Variants in WDR5 observed in about 807,000 individuals in gnomAD.
The protein encoded by WDR5 is WD repeat domain 5.
For synonymous variants in WDR5, 144 were observed against 161.6 expected (o/e 0.89, Z 0.83); for missense variants, 187 against 416.9 (o/e 0.45, Z 4.80).
Position 134,155,360 on chromosome 9 carries a change from A to C in WDR5, c.728A>C (p.Tyr243Ser). ...TLDNTLKLWD[Y>S]SKGKCLKTYT... ...TGCAGCACTCTGAAGCTCTGGGACT[A>C]CAGCAAGGGGAAGGTGAGCCCCCGC... Residue 243 changes from tyrosine (Y) to serine (S), a missense_variant, in exon 11 of 14, where the codon TAC (tyrosine) becomes TCC (serine). Coordinates refer to ENST00000358625, the MANE Select transcript of WDR5 (RefSeq NM_017588.3). The C allele has an allele frequency of 6.2e-7, 1 of 1,607,942 alleles. No individual in the cohort carries two copies. Among genetic ancestry groups the C allele is most frequent in the Non-Finnish European group, 8.5e-7 (1 of 1,177,532 alleles).
At position 134,155,684 on chromosome 9, in the gene WDR5, C is replaced by T. The variant is rs773789797; in HGVS notation, c.742-9C>T. The stretch of plus-strand genomic sequence containing the variant: ...GACTCTGTGACCAGCCTGTCCCCTC[C>T]TGTTTCAGTGCCTGAAGACGTACAC... On this transcript the variant is annotated splice_polypyrimidine_tract_variant and intron_variant, in intron 11 of 13. Coordinates refer to ENST00000358625, the MANE Select transcript of WDR5 (RefSeq NM_017588.3). 5.6e-6 allele frequency: 9 copies of T among 1,613,994 alleles called. No homozygotes were observed. Among genetic ancestry groups the T allele is most frequent in the Non-Finnish European group, 6.8e-6 (8 of 1,179,902 alleles).
chr9:134,136,400 C>T (rs1344032367), intron 1 of WDR5, among the ~76,000 whole-genome samples, 200 bp downstream of exon 1: 11 of 151,432 alleles, frequency 7.3e-5, no homozygotes, highest in South Asian at 6.2e-4. Context: ...GCGCGCAGTT[C>T]CCTCCACCCG....
At chr9:134,135,233 T>C (rs1391692516), upstream of WDR5, 3 of 152,230 alleles carry the variant, frequency 2.0e-5, no homozygotes, top group African/African-American at 4.8e-5. Context: ...GTGCAGTCGT[T>C]GAGGCCAGAG....
chr9:134,137,675 AAACAAAAAC>A (rs1831640511), intron 1 of WDR5, among the ~76,000 whole-genome samples: 1 of 142,988 alleles, frequency 7.0e-6, no homozygotes, highest in Non-Finnish European at 1.6e-5. Context: ...CTCAAAAAAA[AAACAAAAAC>A]AAAAAAAAAA....
At chr9:134,148,592 C>T (rs990448165) in intron 8 of WDR5, among the ~76,000 whole-genome samples, 12 of 152,212 alleles carry the variant, frequency 7.9e-5, no homozygotes, top group Admixed American at 2.6e-4. Flanking sequence ...GGGAGGGCCT[C>T]CTCCATCAGA....
chr9:134,149,915 G>A (rs1436549934), intron 8 of WDR5, among the ~76,000 whole-genome samples: 1 of 152,190 alleles, frequency 6.6e-6, no homozygotes, highest in Non-Finnish European at 1.5e-5. Flanking sequence ...AAGGGGCCCT[G>A]GGTATGGTGC....
chr9:134,154,382 TG>T, intron 9 of WDR5, 83 bp from the exon 10 acceptor site: 1 of 1,405,032 alleles, frequency 7.1e-7, no homozygotes, highest in Non-Finnish European at 1.0e-6. Context: ...ATGTCGCACG[TG>T]GGGGATGGGG....
chr9:134,141,897 G>C, intron 4 of WDR5, 52 bp from the exon 5 acceptor site: 1 of 1,551,076 alleles, frequency 6.4e-7, no homozygotes, highest in Non-Finnish European at 8.9e-7. Context: ...ACCTTTTGCC[G>C]ATGGTCCTAT....
rs146332628 is a variant in WDR5, at chr9:134,156,274, G to A, written c.817-232G>A. Among the ~76,000 whole-genome samples the A allele has an allele frequency of 3.4e-3, 514 of 152,368 alleles. 1 individual carries two copies. Among genetic ancestry groups the A allele is most frequent in the African/African-American group, 0.011 (470 of 41,602 alleles). On this transcript the variant is annotated intron_variant, in intron 12 of 13. Transcript: ENST00000358625. The stretch of plus-strand genomic sequence containing the variant: ...CTCTCCTGGGGCAGGCAGGTGCCTG[G>A]CTTCTGTGAGCGAGGCCGGTGCTGG...
intron 8 of WDR5, among the ~76,000 whole-genome samples, chr9:134,150,059 C>T (rs1318162687): frequency 6.6e-6 from 1 of 152,222 alleles, no homozygotes; most frequent in Non-Finnish European, 1.5e-5. Flanking sequence ...TTCGAGACCA[C>T]AGGCGGGAGG....
chr9:134,142,795 C>G (rs1831962156), intron 7 of WDR5, 76 bp downstream of exon 7: 1 of 1,476,534 alleles, frequency 6.8e-7, no homozygotes, highest in East Asian at 2.3e-5. Context: ...AGCTGTCTCC[C>G]TGAGGGGCGT....
chr9:134,141,007 G>A (rs539801497), intron 3 of WDR5, among the ~76,000 whole-genome samples, 196 bp downstream of exon 3: 5 of 152,356 alleles, frequency 3.3e-5, no homozygotes, highest in Non-Finnish European at 5.9e-5. Flanking sequence ...TGGGGGGCCA[G>A]GCGTGGTGGC....
intron 7 of WDR5, 87 bp from the exon 8 acceptor site, chr9:134,148,201 T>TC (rs1412098367): frequency 2.0e-6 from 1 of 509,816 alleles, no homozygotes; most frequent in African/African-American, 2.1e-5. Context: ...TTTTTTTTTT[T>TC]TTTTTTTTTT....
intron 7 of WDR5, among the ~76,000 whole-genome samples, chr9:134,146,875 G>A (rs1480340357): frequency 6.6e-6 from 1 of 152,250 alleles, no homozygotes; most frequent in Non-Finnish European, 1.5e-5. Flanking sequence ...CCAGATGGTT[G>A]CAGTGAAGCA....
intron 7 of WDR5, among the ~76,000 whole-genome samples, chr9:134,147,557 C>T (rs957039967): frequency 6.6e-6 from 1 of 152,128 alleles, no homozygotes; most frequent in South Asian, 2.1e-4. Flanking sequence ...GTCAGTGGTG[C>T]CAAGGCTGGG....
intron 5 of WDR5, 70 bp from the exon 6 acceptor site, chr9:134,142,263 A>G: frequency 7.9e-6 from 12 of 1,513,598 alleles, no homozygotes; most frequent in Non-Finnish European, 1.1e-5. Context: ...TCAGACATTG[A>G]TGAATGTGAC....
chr9:134,137,136 G>A (rs746185369), intron 1 of WDR5, among the ~76,000 whole-genome samples: 1 of 152,148 alleles, frequency 6.6e-6, no homozygotes, highest in Non-Finnish European at 1.5e-5. Flanking sequence ...AGGGACTGAG[G>A]GACTCAGGAA....
At chr9:134,145,096 G>GTTGTTTTTTTTT (rs1554726635) in intron 7 of WDR5, among the ~76,000 whole-genome samples, 1 of 104,664 alleles carries the variant, frequency 9.6e-6, no homozygotes, top group African/African-American at 3.4e-5. Context: ...GTGGGGCTTT[G>GTTGTTTTTTTTT]TTTTTTTTTT....
intron 7 of WDR5, among the ~76,000 whole-genome samples, chr9:134,142,999 A>G (rs1831974637): frequency 6.6e-6 from 1 of 152,198 alleles, no homozygotes; most frequent in African/African-American, 2.4e-5. Flanking sequence ...GGCAGTGGCC[A>G]CAGGCGTTCA....
Sources: allele counts gnomAD v4.1 joint callset (sites outside exome capture counted in the v4.1 genomes callset), GRCh38; gene constraint gnomAD v4.1.1; transcripts MANE v1.5; gene names NCBI Gene and HGNC (gene_info 2026-07-23, HGNC 2026-07-21).